Variants in CNTNAP2 observed in about 807,000 individuals in gnomAD.
The protein encoded by CNTNAP2 is contactin-associated protein-like 2.
In CNTNAP2, 98 loss-of-function variants were observed where a neutral mutation model predicts 155.2. The ratio of observed to expected loss-of-function variants is 0.63; its 90% CI spans 0.54 to 0.75. CNTNAP2 has a LOEUF of 0.75. CNTNAP2 is among the 30% of genes least tolerant of loss of function. CNTNAP2 has a pLI of 0.00. For missense variants in CNTNAP2, 1,727 were observed against 1,688.1 expected (o/e 1.02, Z -0.40); for synonymous variants, 651 against 631.2 (o/e 1.03, Z -0.47).
chr7:147,248,915 C>A (rs55675711), intron 8 of CNTNAP2, among the ~76,000 whole-genome samples: 2 of 152,036 alleles, frequency 1.3e-5, no homozygotes, highest in Non-Finnish European at 2.9e-5. Context: ...TGAGTCAGGA[C>A]GAAGCACAGG....
chr7:146,929,560 TCA>T (rs1444046654), intron 3 of CNTNAP2, among the ~76,000 whole-genome samples: 1 of 152,126 alleles, frequency 6.6e-6, no homozygotes, highest in Non-Finnish European at 1.5e-5. Flanking sequence ...ACGCAGTTCC[TCA>T]CCAGCAACGG....
chr7:146,151,502 T>G (rs1192388392), intron 1 of CNTNAP2, among the ~76,000 whole-genome samples: 1 of 150,564 alleles, frequency 6.6e-6, no homozygotes, highest in Non-Finnish European at 1.5e-5. Flanking sequence ...TTTGTCTTCC[T>G]GTGCCTGGAT....
chr7:148,168,095 C>T (rs575097560), intron 17 of CNTNAP2, among the ~76,000 whole-genome samples: 1 of 152,026 alleles, frequency 6.6e-6, no homozygotes, highest in African/African-American at 2.4e-5. Flanking sequence ...GAAATAGGAA[C>T]ACTTTTACAC....
At chr7:147,642,254 A>G (rs1359062003) in intron 13 of CNTNAP2, among the ~76,000 whole-genome samples, 1 of 152,002 alleles carries the variant, frequency 6.6e-6, no homozygotes, top group Non-Finnish European at 1.5e-5. Flanking sequence ...GAACCTTGGT[A>G]CTCTCAGCTT....
Position 147,763,542 on chromosome 7 carries a change from C to T in CNTNAP2, c.2098+124236C>T, listed in dbSNP as rs528086497. On this transcript the variant is annotated intron_variant, in intron 13 of 23. Coordinates refer to ENST00000361727, the MANE Select transcript of CNTNAP2 (RefSeq NM_014141.6). Reference sequence around the variant, plus strand: ...AGAAGACTAAAGGTAGAACAGCTCTCCTCTCTGGGGAGGCAAAGAGCCGTT... The same window carrying T: ...AGAAGACTAAAGGTAGAACAGCTCTTCTCTCTGGGGAGGCAAAGAGCCGTT... Among the ~76,000 whole-genome samples, 207 of 152,138 alleles carry T rather than the reference C, an allele frequency of 1.4e-3. 1 individual carries two copies. The highest frequency in any genetic ancestry group is 2.4e-3 in the Non-Finnish European group (160 of 67,996).
intron 13 of CNTNAP2, among the ~76,000 whole-genome samples, chr7:147,829,383 G>A (rs746655649): frequency 1.3e-5 from 2 of 152,172 alleles, no homozygotes; most frequent in Non-Finnish European, 2.9e-5. Context: ...ACTTTAGAAA[G>A]TCTTGATTAA....
chr7:146,333,817 T>C (rs1310546827), intron 1 of CNTNAP2, among the ~76,000 whole-genome samples: 2 of 152,210 alleles, frequency 1.3e-5, no homozygotes, highest in African/African-American at 4.8e-5. Context: ...GGAATCCTCA[T>C]CATTGGCTTC....
intron 21 of CNTNAP2, among the ~76,000 whole-genome samples, chr7:148,354,553 C>T (rs1798479803): frequency 6.6e-6 from 1 of 152,070 alleles, no homozygotes; most frequent in African/African-American, 2.4e-5. Flanking sequence ...CTCCCCAGGA[C>T]CTGTCCTCAG....
chr7:146,925,002 C>T (rs1464061674), intron 3 of CNTNAP2, among the ~76,000 whole-genome samples: 1 of 152,050 alleles, frequency 6.6e-6, no homozygotes, highest in Non-Finnish European at 1.5e-5. Context: ...TTTCCTGGAC[C>T]TTTAAAAATC....
Position 148,409,389 on chromosome 7 carries a change from A to G in CNTNAP2, c.3716-2A>G, listed in dbSNP as rs746894028. Reference sequence around the variant, plus strand: ...GACACTTGACTCTTTCTTTCTCTACAGCCAGTGCGGATTTTCCATATAATC... The same window carrying G: ...GACACTTGACTCTTTCTTTCTCTACGGCCAGTGCGGATTTTCCATATAATC... On this transcript the variant is annotated splice_acceptor_variant, in intron 22 of 23. Transcript: ENST00000361727. LOFTEE classifies it high-confidence loss of function. 6.4e-6 allele frequency: 10 copies of G among 1,567,960 alleles called. No individual in the cohort carries two copies. In the African/African-American group the frequency reaches 1.6e-4, roughly 25 times the overall value.
chr7:146,340,976 A>G (rs577796792), intron 1 of CNTNAP2, among the ~76,000 whole-genome samples: 1 of 152,270 alleles, frequency 6.6e-6, no homozygotes, highest in East Asian at 1.9e-4. Context: ...CTCTTCCTAG[A>G]TTATCTATTG....
intron 1 of CNTNAP2, among the ~76,000 whole-genome samples, chr7:146,515,308 T>G (rs1205498918): frequency 6.6e-6 from 1 of 152,068 alleles, no homozygotes. Flanking sequence ...AGAAGCTGGC[T>G]GCCTACTCTG....
At chr7:146,764,411 C>T (rs796574948) in intron 1 of CNTNAP2, among the ~76,000 whole-genome samples, 10 of 151,788 alleles carry the variant, frequency 6.6e-5, no homozygotes, top group African/African-American at 1.7e-4. Flanking sequence ...AAAATTAAAA[C>T]TTCAATTTGT....
At chr7:147,903,447 A>G in intron 13 of CNTNAP2, 118 bp from the exon 14 acceptor site, 1 of 1,114,686 alleles carries the variant, frequency 9.0e-7, no homozygotes, top group Non-Finnish European at 1.3e-6. Context: ...ATTGACTTTT[A>G]AGAGGGTTGA....
chr7:146,689,060 T>A (rs987771505), intron 1 of CNTNAP2, among the ~76,000 whole-genome samples: 1 of 152,154 alleles, frequency 6.6e-6, no homozygotes, highest in African/African-American at 2.4e-5. Flanking sequence ...ATTTGAAAAG[T>A]CTCTTCATAT....
intron 13 of CNTNAP2, among the ~76,000 whole-genome samples, chr7:147,798,736 T>G (rs769101147): frequency 6.6e-6 from 1 of 152,198 alleles, no homozygotes; most frequent in Non-Finnish European, 1.5e-5. Context: ...ATGATTGATT[T>G]AGACAAATCA....
At chr7:147,093,091 ATT>A (rs1800446607) in intron 4 of CNTNAP2, among the ~76,000 whole-genome samples, 2 of 123,738 alleles carry the variant, frequency 1.6e-5, no homozygotes, top group South Asian at 5.4e-4. Context: ...ATATATATAT[ATT>A]AGCCGGGCGT....
chr7:146,267,219 C>G (rs1232001623), intron 1 of CNTNAP2, among the ~76,000 whole-genome samples: 1 of 151,992 alleles, frequency 6.6e-6, no homozygotes, highest in Non-Finnish European at 1.5e-5. Context: ...ATTAAAATAT[C>G]TATTTGTCAT....
intron 12 of CNTNAP2, among the ~76,000 whole-genome samples, chr7:147,589,404 C>A (rs1256764132): frequency 6.6e-6 from 1 of 152,098 alleles, no homozygotes; most frequent in East Asian, 1.9e-4. Context: ...CTTATGGACC[C>A]AGCAGCCCTC....
Sources: gnomAD v4.1 joint callset for allele counts (sites outside exome capture counted in the v4.1 genomes callset) on GRCh38, gnomAD v4.1.1 for gene constraint, MANE v1.5 for transcripts, NCBI Gene and HGNC (gene_info 2026-07-23, HGNC 2026-07-21) for gene names.